EFTUD2: variants seen among roughly 807,000 people sequenced by gnomAD.
EFTUD2 encodes the protein 116 kDa U5 small nuclear ribonucleoprotein component.
A neutral mutation model predicts 114.3 loss-of-function variants in EFTUD2; 9 were observed. That is an observed-to-expected ratio of 0.08 (90% CI 0.05 to 0.14). The LOEUF (loss-of-function observed/expected upper bound fraction) is 0.14, where lower values mean the gene tolerates loss of function less well. Among genes scored for constraint, EFTUD2 ranks in the 10% least tolerant of loss-of-function variants. The pLI, the probability that EFTUD2 is intolerant of heterozygous loss-of-function variation, is 1.00. For missense variants in EFTUD2, 765 were observed against 1,241.2 expected, an observed-to-expected ratio of 0.62 and a Z score of 5.76; for synonymous variants, 449 against 462.3, an observed-to-expected ratio of 0.97 and a Z score of 0.37.
intron 13 of EFTUD2, among the ~76,000 whole-genome samples, chr17:44,867,325 A>G: frequency 7.8e-6 from 1 of 128,828 alleles, no homozygotes; most frequent in East Asian, 2.3e-4. Flanking sequence ...TTGGTGACAG[A>G]GTCTCGCTCT....
At chr17:44,872,399 C>A (rs778713368) in intron 11 of EFTUD2, 47 bp downstream of exon 11, 19 of 1,604,782 alleles carry the variant, frequency 1.2e-5, no homozygotes, top group Non-Finnish European at 1.5e-5. Flanking sequence ...GAAAGGCACA[C>A]AGGACTCAGG....
intron 25 of EFTUD2, 35 bp downstream of exon 25, chr17:44,853,261 T>G: frequency 6.2e-7 from 1 of 1,606,534 alleles, no homozygotes; most frequent in Non-Finnish European, 8.5e-7. Context: ...GCTCTTGCTC[T>G]CAGCACTCTC....
At chr17:44,890,167 C>G (rs955732633) in intron 2 of EFTUD2, among the ~76,000 whole-genome samples, 2 of 141,612 alleles carry the variant, frequency 1.4e-5, no homozygotes, top group African/African-American at 5.1e-5. Flanking sequence ...CCACGCCCAG[C>G]TAATTTTTGT....
chr17:44,893,305 T>C (rs2051316138), intron 2 of EFTUD2, among the ~76,000 whole-genome samples: 1 of 152,164 alleles, frequency 6.6e-6, no homozygotes, highest in African/African-American at 2.4e-5. Context: ...GTATTTTTAG[T>C]AGAGACGGGG....
rs1262486585 is a variant in EFTUD2 at position 44,855,011 on chromosome 17, A to G, written c.2046-7T>C. On this transcript the variant is annotated splice_polypyrimidine_tract_variant and splice_region_variant and intron_variant, in intron 20 of 27. Coordinates refer to ENST00000426333, the MANE Select transcript of EFTUD2 (RefSeq NM_004247.4). The stretch of plus-strand genomic sequence containing the variant: ...AATCATGGTGATCTTGTTCCTGGTC[A>G]GAATGGAAATGGGTGGTAAGGACGG... The G allele has an allele frequency of 1.9e-6, 3 of 1,613,704 alleles. No homozygotes were observed. The highest frequency in any genetic ancestry group is 1.7e-6 in the Non-Finnish European group (2 of 1,179,556).
At chr17:44,864,217 A>T (rs113949709) in intron 14 of EFTUD2, among the ~76,000 whole-genome samples, 1 of 152,196 alleles carries the variant, frequency 6.6e-6, no homozygotes, top group Non-Finnish European at 1.5e-5. Flanking sequence ...AATAAACCAC[A>T]TAAGAGGGAA....
At chr17:44,894,373 AAAAT>A (rs1227221938) in intron 2 of EFTUD2, 40 bp downstream of exon 2, 16 of 1,485,496 alleles carry the variant, frequency 1.1e-5, no homozygotes, top group Non-Finnish European at 1.4e-5. Context: ...TGTCTTAAAT[AAAAT>A]AAATAAGAGT....
chr17:44,879,783 A>AT, intron 8 of EFTUD2, 145 bp from the exon 9 acceptor site: 1 of 734,952 alleles, frequency 1.4e-6, no homozygotes, highest in East Asian at 2.8e-5. Context: ...CAGGGTAAAA[A>AT]TATCCCCCAT....
chr17:44,863,482 G>T, intron 15 of EFTUD2, 173 bp downstream of exon 15: 1 of 833,850 alleles, frequency 1.2e-6, no homozygotes, highest in Non-Finnish European at 1.8e-6. Context: ...ATGTTCCCAA[G>T]GTCATAGCAC....
chr17:44,851,994 T>C (rs887980181), intron 26 of EFTUD2, among the ~76,000 whole-genome samples, 177 bp from the exon 27 acceptor site: 20 of 152,146 alleles, frequency 1.3e-4, no homozygotes, highest in African/African-American at 4.8e-4. Flanking sequence ...CTCGGCTCAA[T>C]GCAACCTCCG....
intron 2 of EFTUD2, 93 bp from the exon 3 acceptor site, chr17:44,886,843 A>T: frequency 6.6e-7 from 1 of 1,508,200 alleles, no homozygotes; most frequent in Non-Finnish European, 8.8e-7. Context: ...CTGACTGTAC[A>T]TGCTGGCCAG....
chr17:44,886,860 A>C (rs2051184400), intron 2 of EFTUD2, 110 bp from the exon 3 acceptor site: 1 of 1,488,458 alleles, frequency 6.7e-7, no homozygotes, highest in South Asian at 1.3e-5. Flanking sequence ...CCAGCTTCTT[A>C]TTCTGAGTTC....
At position 44,857,176 on chromosome 17, in the gene EFTUD2, A is replaced by C; in HGVS notation, c.1963-19T>G. Reference sequence around the variant, plus strand: ...CAGCCACCTGGGAAACAGAAAATAAATTACTGAAGCGAGGTCTAATTTTGT... The same window carrying C: ...CAGCCACCTGGGAAACAGAAAATAACTTACTGAAGCGAGGTCTAATTTTGT... On this transcript the variant is annotated intron_variant, in intron 19 of 27. Transcript: ENST00000426333. 6.2e-7 allele frequency: 1 copy of C among 1,611,542 alleles called. No homozygotes were observed. Among genetic ancestry groups the C allele is most frequent in the Non-Finnish European group, 8.5e-7 (1 of 1,177,812 alleles).
chr17:44,865,335 G>T lies in EFTUD2; in HGVS notation c.1150-270C>A. The T allele has an allele frequency of 5.6e-6, 2 of 359,066 alleles. 1 individual carries two copies. The highest frequency in any genetic ancestry group is 1.0e-5 in the Non-Finnish European group (2 of 199,374). 22.2% of individuals were successfully genotyped at this position (359,066 alleles called of 1,614,324 possible). A position where few individuals can be genotyped will look rare whatever the true frequency, so the allele number is the denominator to read the frequency against. On this transcript the variant is annotated intron_variant, in intron 13 of 27. Coordinates refer to ENST00000426333, the MANE Select transcript of EFTUD2 (RefSeq NM_004247.4). The stretch of plus-strand genomic sequence containing the variant: ...TGATTACTCCCAGTGCTGCCCCCTG[G>T]TGTCTGAAAAGCAGCATCTCCTCCC...
At chr17:44,886,142 C>T (rs146018995) in intron 3 of EFTUD2, among the ~76,000 whole-genome samples, 24 of 152,174 alleles carry the variant, frequency 1.6e-4, no homozygotes, top group Non-Finnish European at 2.9e-4. Context: ...GAGGCTGAAG[C>T]AGAATTGCTT....
In EFTUD2 at chr17:44,880,571, T is replaced by C. The variant is rs766147700; in HGVS notation, c.602A>G (p.Asn201Ser). ...TGTCCTACCTGGAGTGTCCATGATA[T>C]TGAAGAGATAAGATTTTCCTTTGGT... is the stretch of plus-strand genomic sequence containing the variant. ...PDTKGKSYLF[N>S]IMDTPGHVNF... The change falls in exon 8 of 28, where the codon AAT becomes AGT. Residue 201 changes from asparagine (N) to serine (S), a missense_variant. Coordinates refer to ENST00000426333, the MANE Select transcript of EFTUD2 (RefSeq NM_004247.4). 8 of 1,613,626 alleles carry C rather than the reference T, an allele frequency of 5.0e-6. No homozygotes were observed. The highest frequency in any genetic ancestry group is 6.8e-6 in the Non-Finnish European group (8 of 1,179,616).
chr17:44,859,501 G>T (rs943162574), intron 18 of EFTUD2: 7 of 503,188 alleles, frequency 1.4e-5, no homozygotes, highest in Non-Finnish European at 2.5e-5. Flanking sequence ...TACCTGGAAA[G>T]GTACACTGGC....
intron 2 of EFTUD2, among the ~76,000 whole-genome samples, chr17:44,887,918 T>C (rs2051203185): frequency 6.6e-6 from 1 of 152,192 alleles, no homozygotes; most frequent in Non-Finnish European, 1.5e-5. Context: ...TAATCTAAGG[T>C]GGCCACCAGA....
intron 16 of EFTUD2, among the ~76,000 whole-genome samples, chr17:44,861,432 GAAAAAAAAA>G (rs35487111): frequency 1.0e-5 from 1 of 100,208 alleles, no homozygotes; most frequent in Non-Finnish European, 2.0e-5. Flanking sequence ...CTGACAGAGA[GAAAAAAAAA>G]AAAAAAAAAA....
Sources: allele counts gnomAD v4.1 joint callset (sites outside exome capture counted in the v4.1 genomes callset), GRCh38; gene constraint gnomAD v4.1.1; transcripts MANE v1.5; gene names NCBI Gene and HGNC (gene_info 2026-07-23, HGNC 2026-07-21).